The following CLSTN2 variants were observed in gnomAD, a reference collection of about 807,000 sequenced individuals.
CLSTN2 encodes calsyntenin-2.
A neutral mutation model predicts 101.2 loss-of-function variants in CLSTN2; 48 were observed. The observed-to-expected ratio is 0.47, with a 90% CI of 0.38 to 0.60. CLSTN2 has a LOEUF of 0.60. Ranked by LOEUF, CLSTN2 falls within the 20% of genes least tolerant of loss-of-function variation. The pLI, the probability that CLSTN2 is intolerant of heterozygous loss-of-function variation, is 0.00. For synonymous variants in CLSTN2, 481 were observed against 463.6 expected (o/e 1.04, Z -0.48); for missense variants, 1,160 against 1,238.2 (o/e 0.94, Z 0.95).
At chr3:140,473,132 T>C (rs1933894659) in intron 8 of CLSTN2, among the ~76,000 whole-genome samples, 1 of 152,184 alleles carries the variant, frequency 6.6e-6, no homozygotes, top group Admixed American at 6.5e-5. Flanking sequence ...TGCTTTCTTT[T>C]TGAGAGAGTG....
chr3:140,310,563 CT>C (rs2087158374), intron 2 of CLSTN2, among the ~76,000 whole-genome samples: 1 of 152,120 alleles, frequency 6.6e-6, no homozygotes, highest in Non-Finnish European at 1.5e-5. Context: ...GCGTAGTGCC[CT>C]CCACTCGCCT....
At chr3:139,955,533 C>T (rs965775607) in intron 1 of CLSTN2, among the ~76,000 whole-genome samples, 18 of 13,348 alleles carry the variant, frequency 1.3e-3, no homozygotes, top group South Asian at 7.5e-3. Flanking sequence ...CCCTGCTCTA[C>T]GATTTCTGTT....
intron 5 of CLSTN2, 125 bp from the exon 6 acceptor site, chr3:140,448,394 C>T: frequency 1.3e-6 from 1 of 767,344 alleles, no homozygotes; most frequent in Non-Finnish European, 2.1e-6. Flanking sequence ...TCAAACTGTT[C>T]CCTAATATCT....
chr3:140,263,815 T>G (rs2086673066), intron 2 of CLSTN2, among the ~76,000 whole-genome samples: 1 of 152,164 alleles, frequency 6.6e-6, no homozygotes, highest in African/African-American at 2.4e-5. Flanking sequence ...AGAAACATCC[T>G]TGAAAGAAAG....
rs920226901 is a variant in CLSTN2, at chr3:140,310,065, G to C, written c.233-93564G>C. Among the ~76,000 whole-genome samples, 3 of 151,950 alleles carry C rather than the reference G, an allele frequency of 2.0e-5. No individual in the cohort carries two copies. In the South Asian group the frequency reaches 6.3e-4, roughly 32 times the overall value. On this transcript the variant is annotated intron_variant, in intron 2 of 16. Coordinates refer to ENST00000458420, the MANE Select transcript of CLSTN2 (RefSeq NM_022131.3). Reference sequence around the variant, plus strand: ...TAGCCTTCTCTGGTTTCCCTTTCCTGCTCTTCCTCCTCCATCTCCTCCTTT... The same window carrying C: ...TAGCCTTCTCTGGTTTCCCTTTCCTCCTCTTCCTCCTCCATCTCCTCCTTT...
At position 140,555,340 on chromosome 3, in the gene CLSTN2, C is replaced by T. The variant is rs141432922; in HGVS notation, c.1675-1173C>T. On this transcript the variant is annotated intron_variant, in intron 10 of 16. Coordinates refer to ENST00000458420, the MANE Select transcript of CLSTN2 (RefSeq NM_022131.3). ...GGTACCATAAGTCATACGATCAAGC[C>T]TATTAACAATAGGGCAAACATGTAT... is the stretch of plus-strand genomic sequence containing the variant. 3.1e-3 allele frequency among the ~76,000 whole-genome samples: 473 copies of T among 152,260 alleles called. 3 individuals carry two copies. Among genetic ancestry groups the T allele is most frequent in the African/African-American group, 0.011 (451 of 41,552 alleles).
intron 2 of CLSTN2, among the ~76,000 whole-genome samples, chr3:140,202,228 A>G (rs914016862): frequency 2.6e-5 from 4 of 152,182 alleles, no homozygotes; most frequent in African/African-American, 9.6e-5. Context: ...TATTGAGAAG[A>G]GGTTACAGGG....
chr3:140,102,848 C>A (rs2008992082), intron 1 of CLSTN2, among the ~76,000 whole-genome samples: 1 of 152,180 alleles, frequency 6.6e-6, no homozygotes, highest in African/African-American at 2.4e-5. Flanking sequence ...TCCAATACTC[C>A]AGGCTCAAAA....
intron 1 of CLSTN2, among the ~76,000 whole-genome samples, chr3:140,040,357 A>C: frequency 6.6e-6 from 1 of 152,290 alleles, no homozygotes; most frequent in East Asian, 1.9e-4. Context: ...ATGTGCAAAG[A>C]AAGGAATAGT....
chr3:140,417,443 T>C (rs933387219), intron 4 of CLSTN2, among the ~76,000 whole-genome samples: 3 of 152,186 alleles, frequency 2.0e-5, no homozygotes, highest in African/African-American at 7.2e-5. Flanking sequence ...CTGACTAGCA[T>C]ATATTGCCAA....
At chr3:140,208,862 A>C (rs2107845416) in intron 2 of CLSTN2, among the ~76,000 whole-genome samples, 1 of 152,294 alleles carries the variant, frequency 6.6e-6, no homozygotes, top group Middle Eastern at 3.4e-3. Context: ...GTCAGTACTT[A>C]CATGCTGCTG....
At chr3:140,296,416 C>T (rs1234763497) in intron 2 of CLSTN2, among the ~76,000 whole-genome samples, 1 of 152,192 alleles carries the variant, frequency 6.6e-6, no homozygotes, top group Non-Finnish European at 1.5e-5. Context: ...CATCATCACA[C>T]TTTATCTGTA....
intron 8 of CLSTN2, among the ~76,000 whole-genome samples, chr3:140,513,965 G>A (rs1190720278): frequency 6.6e-6 from 1 of 151,940 alleles, no homozygotes; most frequent in African/African-American, 2.4e-5. Flanking sequence ...TTCTGATTGT[G>A]TCTATTTGAT....
At chr3:140,413,687 TA>T (rs1300396745) in intron 4 of CLSTN2, among the ~76,000 whole-genome samples, 49 of 152,190 alleles carry the variant, frequency 3.2e-4, no homozygotes, top group African/African-American at 1.2e-3. Flanking sequence ...AACAGCACAT[TA>T]AAAGGATCAT....
At chr3:140,356,168 GT>G (rs1259483068) in intron 2 of CLSTN2, among the ~76,000 whole-genome samples, 1 of 152,188 alleles carries the variant, frequency 6.6e-6, no homozygotes, top group African/African-American at 2.4e-5. Flanking sequence ...CTGGCCAGCA[GT>G]TTGCAGAGCC....
chr3:140,176,658 G>A (rs1248093027), intron 2 of CLSTN2, among the ~76,000 whole-genome samples: 3 of 152,214 alleles, frequency 2.0e-5, no homozygotes, highest in Non-Finnish European at 2.9e-5. Context: ...GACCCTCTTC[G>A]AGGGGTAGGC....
chr3:140,191,472 T>C (rs2010565343), intron 2 of CLSTN2, among the ~76,000 whole-genome samples: 1 of 152,042 alleles, frequency 6.6e-6, no homozygotes, highest in Non-Finnish European at 1.5e-5. Context: ...TTATGTAGAA[T>C]TGGTATTAAT....
At chr3:139,947,595 A>G (rs1233162729) in intron 1 of CLSTN2, among the ~76,000 whole-genome samples, 1 of 152,230 alleles carries the variant, frequency 6.6e-6, no homozygotes, top group East Asian at 1.9e-4. Context: ...AAAGAAAGCT[A>G]AAATTACTCA....
At chr3:140,157,063 G>C (rs2009965953) in intron 1 of CLSTN2, among the ~76,000 whole-genome samples, 1 of 152,142 alleles carries the variant, frequency 6.6e-6, no homozygotes, top group Non-Finnish European at 1.5e-5. Context: ...GTGTGAAGTA[G>C]ATTGACTTCC....
Sources: gnomAD v4.1 joint callset for allele counts (sites outside exome capture counted in the v4.1 genomes callset) on GRCh38, gnomAD v4.1.1 for gene constraint, MANE v1.5 for transcripts, NCBI Gene and HGNC (gene_info 2026-07-23, HGNC 2026-07-21) for gene names.